RBFOX3: variants seen among roughly 807,000 people sequenced by gnomAD.
The protein encoded by RBFOX3 is RNA binding protein fox-1 homolog 3.
RBFOX3 carries 17 observed loss-of-function variants against 48.7 expected under a neutral mutation model. The ratio of observed to expected loss-of-function variants is 0.35; its 90% CI spans 0.24 to 0.52. The LOEUF (loss-of-function observed/expected upper bound fraction) is 0.52. Ranked by LOEUF, RBFOX3 falls within the 20% of genes least tolerant of loss-of-function variation. The pLI is 0.94. For synonymous variants in RBFOX3, 212 were observed against 209.5 expected (o/e 1.01, Z -0.10); for missense variants, 382 against 497.5 (o/e 0.77, Z 2.21).
At chr17:79,524,986 T>C (rs2150028008) in intron 1 of RBFOX3, among the ~76,000 whole-genome samples, 1 of 152,334 alleles carries the variant, frequency 6.6e-6, no homozygotes, top group South Asian at 2.1e-4. Flanking sequence ...ACAAGGATTC[T>C]TGCATATTAT....
chr17:79,620,587 A>ACG, the RBFOX3 span, among the ~76,000 whole-genome samples: 1,329 of 36,614 alleles, frequency 0.036, 15 homozygotes, highest in Non-Finnish European at 0.089. Context: ...ACACGCACGC[A>ACG]CACACACGCA....
At chr17:79,158,125 C>T (rs1261384947) in intron 4 of RBFOX3, among the ~76,000 whole-genome samples, 1 of 147,224 alleles carries the variant, frequency 6.8e-6, no homozygotes, top group Non-Finnish European at 1.5e-5. Flanking sequence ...CATAGACACA[C>T]ACAGACAGAC....
At chr17:79,655,714 G>C in the RBFOX3 span, among the ~76,000 whole-genome samples, 3,063 of 152,226 alleles carry the variant, frequency 0.02, 97 homozygotes, top group African/African-American at 0.069. Context: ...TATGGCCCAT[G>C]ATCTCTCTAT....
chr17:79,314,365 T>C (rs1404474053), intron 2 of RBFOX3, among the ~76,000 whole-genome samples: 11 of 151,398 alleles, frequency 7.3e-5, no homozygotes, highest in Non-Finnish European at 1.0e-4. Flanking sequence ...GTGGGCACAG[T>C]GAGAACGATC....
intron 2 of RBFOX3, among the ~76,000 whole-genome samples, chr17:79,370,977 G>A (rs1411493901): frequency 6.9e-6 from 1 of 145,434 alleles, no homozygotes; most frequent in Non-Finnish European, 1.5e-5. Context: ...GACTGGGAAG[G>A]CACCTTTCCT....
intron 1 of RBFOX3, among the ~76,000 whole-genome samples, chr17:79,501,687 C>T (rs1192099644): frequency 1.3e-5 from 2 of 152,204 alleles, no homozygotes; most frequent in Non-Finnish European, 2.9e-5. Context: ...GATTTGCATT[C>T]CATGCACACA....
rs559069560 is a variant in RBFOX3 at position 79,335,376 on chromosome 17, T to C, written c.-174-27552A>G. Among the ~76,000 whole-genome samples the C allele has an allele frequency of 2.0e-5, 3 of 152,382 alleles. No homozygotes were observed. In the South Asian group the frequency reaches 6.2e-4, roughly 32 times the overall value. ...GAAACATCATGTAAGTGTATGTATA[T>C]GTGTGTGTATATATGTATGTATATG... is the stretch of plus-strand genomic sequence containing the variant. On this transcript the variant is annotated intron_variant, in intron 2 of 14. Transcript: ENST00000693108.
chr17:79,550,264 TA>T (rs1208736523), intron 1 of RBFOX3, among the ~76,000 whole-genome samples: 48 of 152,154 alleles, frequency 3.2e-4, no homozygotes, highest in African/African-American at 1.1e-3. Flanking sequence ...AGCTTTGATG[TA>T]AAAGGGGCAG....
At chr17:79,368,879 C>T (rs1277798578) in intron 2 of RBFOX3, among the ~76,000 whole-genome samples, 2 of 152,224 alleles carry the variant, frequency 1.3e-5, no homozygotes, top group Non-Finnish European at 2.9e-5. Context: ...CACACTGTGG[C>T]AAAATCTACT....
intron 3 of RBFOX3, among the ~76,000 whole-genome samples, chr17:79,280,159 A>ACACG (rs760366418): frequency 7.8e-6 from 1 of 127,602 alleles, no homozygotes; most frequent in Admixed American, 8.9e-5. Flanking sequence ...GTGCACACAC[A>ACACG]CACGCACACA....
chr17:79,569,616 A>G (rs1241630664), intron 1 of RBFOX3, among the ~76,000 whole-genome samples: 1 of 152,250 alleles, frequency 6.6e-6, no homozygotes, highest in Non-Finnish European at 1.5e-5. Context: ...GCCAACCTGC[A>G]GATTAAACCT....
At position 79,128,546 on chromosome 17, in the gene RBFOX3, C is replaced by T. The variant is rs79078140; in HGVS notation, c.-33-12798G>A. Among the ~76,000 whole-genome samples the T allele has an allele frequency of 4.7e-3, 709 of 152,318 alleles. 5 individuals are homozygous for T. The highest frequency in any genetic ancestry group is 0.016 in the African/African-American group (674 of 41,568). The stretch of plus-strand genomic sequence containing the variant: ...CTTCCTCCGCCCAGAAACAGGCCAC[C>T]TCTACAGCTCACAGGCTCCTAACTC... On this transcript the variant is annotated intron_variant, in intron 4 of 14. Coordinates refer to ENST00000693108, the MANE Select transcript of RBFOX3 (RefSeq NM_001350451.2).
chr17:79,196,238 C>T (rs113040152), intron 4 of RBFOX3, among the ~76,000 whole-genome samples: 2,978 of 152,138 alleles, frequency 0.02, 41 homozygotes, highest in Non-Finnish European at 0.024. Context: ...ACTGTAGTCC[C>T]GCATCTCCTA....
At chr17:79,232,758 G>A (rs974600213) in intron 4 of RBFOX3, among the ~76,000 whole-genome samples, 2 of 152,086 alleles carry the variant, frequency 1.3e-5, no homozygotes, top group African/African-American at 2.4e-5. Flanking sequence ...ATAACCATAC[G>A]AATAGATTCT....
At chr17:79,424,982 C>T (rs917274490) in intron 2 of RBFOX3, among the ~76,000 whole-genome samples, 5 of 152,132 alleles carry the variant, frequency 3.3e-5, no homozygotes, top group Admixed American at 2.6e-4. Flanking sequence ...CCCTGTCGCC[C>T]GATGGCTTGC....
intron 1 of RBFOX3, chr17:79,602,141 A>G (rs1290704179): frequency 6.6e-6 from 1 of 152,254 alleles, no homozygotes; most frequent in Non-Finnish European, 1.5e-5. Flanking sequence ...AAGTTGTCCC[A>G]GACAACGTCA....
chr17:79,577,844 T>C (rs1279726282), intron 1 of RBFOX3, among the ~76,000 whole-genome samples: 12 of 152,188 alleles, frequency 7.9e-5, no homozygotes, highest in African/African-American at 2.4e-4. Context: ...CAGAGCAGCA[T>C]TGAGCACCCT....
At chr17:79,611,154 CTCTCTCTCTCTCTCTCTCTCCGCCCTCCT>C (rs2093962594), upstream of RBFOX3, among the ~76,000 whole-genome samples, 208 of 33,532 alleles carry the variant, frequency 6.2e-3, 15 homozygotes, top group African/African-American at 0.01. Flanking sequence ...CTCTCTCTCT[CTCTCTCTCTCTCTCTCTCTCCGCCCTCCT>C]TCTCTCTCTC....
chr17:79,349,573 G>A lies in RBFOX3; in HGVS notation c.-174-41749C>T, dbSNP rs140396799. On this transcript the variant is annotated intron_variant, in intron 2 of 14. Transcript: ENST00000693108. ...ATGCCTTGAGCATTTCCCTGACCAT[G>A]GTGACCACTCTTTCATGTTTCCACT... is the stretch of plus-strand genomic sequence containing the variant. Among the ~76,000 whole-genome samples the A allele has an allele frequency of 3.1e-3, 471 of 152,084 alleles. 2 individuals are homozygous for A. Among genetic ancestry groups the A allele is most frequent in the African/African-American group, 0.011 (450 of 41,490 alleles).
Sources: gnomAD v4.1 joint callset for allele counts (sites outside exome capture counted in the v4.1 genomes callset) on GRCh38, gnomAD v4.1.1 for gene constraint, MANE v1.5 for transcripts, NCBI Gene and HGNC (gene_info 2026-07-23, HGNC 2026-07-21) for gene names.